RBMS3: variants seen among roughly 807,000 people sequenced by gnomAD.
The protein encoded by RBMS3 is RNA binding motif single stranded interacting protein 3.
Under a neutral mutation model 66.8 loss-of-function variants are expected in RBMS3, and 27 were observed. That is an observed-to-expected ratio of 0.40 (90% confidence interval 0.30 to 0.56). The LOEUF (loss-of-function observed/expected upper bound fraction) is 0.56, where lower values mean the gene tolerates loss of function less well. RBMS3 is among the 20% of genes least tolerant of loss of function. RBMS3 has a pLI of 0.40. For missense variants in RBMS3, 513 were observed against 549.5 expected, an observed-to-expected ratio of 0.93 and a Z score of 0.66; for synonymous variants, 188 against 183.0, an observed-to-expected ratio of 1.03 and a Z score of -0.22.
intron 12 of RBMS3, among the ~76,000 whole-genome samples, chr3:29,963,635 C>T (rs1263298064): frequency 6.6e-6 from 1 of 152,010 alleles, no homozygotes; most frequent in East Asian, 1.9e-4. Flanking sequence ...TGAGACCAGC[C>T]TGGGTAACAT....
At chr3:29,749,206 C>G (rs938675543) in intron 5 of RBMS3, among the ~76,000 whole-genome samples, 2 of 152,102 alleles carry the variant, frequency 1.3e-5, no homozygotes, top group African/African-American at 4.8e-5. Context: ...CCTTTAGAGA[C>G]TCATAGATAG....
chr3:29,705,196 C>G (rs1309210186), intron 4 of RBMS3, among the ~76,000 whole-genome samples: 1 of 152,176 alleles, frequency 6.6e-6, no homozygotes, highest in East Asian at 1.9e-4. Flanking sequence ...GAAAGACCTT[C>G]CAGCATTTGT....
intron 2 of RBMS3, among the ~76,000 whole-genome samples, chr3:29,464,949 T>C (rs11716896): frequency 0.41 from 62,933 of 152,098 alleles, 13,472 homozygotes; most frequent in East Asian, 0.62. Context: ...ATAAGCATTT[T>C]AGGGACAGAA....
At position 29,861,294 on chromosome 3, in the gene RBMS3, G is replaced by A. The variant is rs80075958; in HGVS notation, c.638-7564G>A. Among the ~76,000 whole-genome samples, 130 of 152,082 alleles carry A rather than the reference G, an allele frequency of 8.5e-4. 1 individual carries two copies. The East Asian group carries it at 0.022, about 26-fold the overall frequency. ...CCTTGAATAAACTGCTTCTGTTGTC[G>A]TTAGCTTTTCTTCTCCATCCAGCTC... On this transcript the variant is annotated intron_variant, in intron 6 of 14. Coordinates refer to ENST00000383767, the MANE Select transcript of RBMS3 (RefSeq NM_001003793.3).
At chr3:29,853,742 C>G (rs1284377087) in intron 6 of RBMS3, among the ~76,000 whole-genome samples, 1 of 152,088 alleles carries the variant, frequency 6.6e-6, no homozygotes, top group Non-Finnish European at 1.5e-5. Context: ...CTTAGTCAGC[C>G]TAGGAAATCC....
At chr3:29,488,621 T>C (rs1653237996) in intron 3 of RBMS3, 122 bp downstream of exon 3, 3 of 693,918 alleles carry the variant, frequency 4.3e-6, no homozygotes, top group South Asian at 6.1e-5. Flanking sequence ...GGAAAACCTC[T>C]TTAATGATGC....
Position 29,328,517 on chromosome 3 carries a change from T to C in RBMS3, c.75+46761T>C, listed in dbSNP as rs371620927. 2.2e-4 allele frequency among the ~76,000 whole-genome samples: 34 copies of C among 152,248 alleles called. 1 individual carries two copies. The South Asian group carries it at 6.8e-3, about 31-fold the overall frequency. ...TGTTGCTTTCCACGGTTCCATGAAA[T>C]AGTTAGATGATTTAATAAGAACTTT... On this transcript the variant is annotated intron_variant, in intron 1 of 14. Transcript: ENST00000383767.
intron 4 of RBMS3, among the ~76,000 whole-genome samples, chr3:29,619,505 C>G (rs1407842834): frequency 2.0e-5 from 3 of 152,194 alleles, no homozygotes; most frequent in East Asian, 3.9e-4. Context: ...GTTGGGAGAT[C>G]TTTTTAAGAC....
chr3:29,481,511 A>G (rs577928551), intron 2 of RBMS3, among the ~76,000 whole-genome samples: 2 of 152,254 alleles, frequency 1.3e-5, no homozygotes, highest in South Asian at 4.1e-4. Flanking sequence ...AGGAAAGGAG[A>G]CAATAGAAAA....
chr3:29,842,264 G>T (rs2058679051), intron 6 of RBMS3, among the ~76,000 whole-genome samples: 1 of 151,954 alleles, frequency 6.6e-6, no homozygotes, highest in Non-Finnish European at 1.5e-5. Context: ...TTGCATCTTG[G>T]ATAAACTGAA....
chr3:29,512,662 A>T (rs970512378), intron 3 of RBMS3, among the ~76,000 whole-genome samples: 1 of 152,224 alleles, frequency 6.6e-6, no homozygotes, highest in African/African-American at 2.4e-5. Context: ...ATAAAAACGA[A>T]ATAACCCACA....
At position 29,639,593 on chromosome 3, in the gene RBMS3, C is replaced by CAGAGAGAGAGAGAGAGAGAGAG. The variant is rs60712857; in HGVS notation, c.399+52398_399+52419dup. On this transcript the variant is annotated intron_variant, in intron 4 of 14. Transcript: ENST00000383767. ...CTATAGATGATAGATAGAAGATAGA[C>CAGAGAGAGAGAGAGAGAGAGAG]AGAGAGAGAGAGAGAGAGAGAGAGA... 3.5e-3 allele frequency among the ~76,000 whole-genome samples: 501 copies of CAGAGAGAGAGAGAGAGAGAGAG among 143,080 alleles called. 4 individuals carry two copies. The highest frequency in any genetic ancestry group is 0.012 in the African/African-American group (446 of 38,444). The allele number at this position is 143,080 out of a possible 152,430, so 93.9% of individuals were successfully genotyped here. A position where few individuals can be genotyped will look rare whatever the true frequency, so the allele number is the denominator to read the frequency against.
chr3:29,834,165 C>T (rs1303468173), intron 6 of RBMS3, among the ~76,000 whole-genome samples: 4 of 152,082 alleles, frequency 2.6e-5, no homozygotes, highest in African/African-American at 9.7e-5. Flanking sequence ...TGAGGAAGTT[C>T]ACCACCATTA....
At chr3:29,601,994 A>C (rs2048160772) in intron 4 of RBMS3, among the ~76,000 whole-genome samples, 1 of 152,054 alleles carries the variant, frequency 6.6e-6, no homozygotes, top group Non-Finnish European at 1.5e-5. Flanking sequence ...AGAAATGAAG[A>C]AAATGACAAT....
intron 4 of RBMS3, among the ~76,000 whole-genome samples, chr3:29,606,460 A>G (rs546767480): frequency 3.9e-5 from 6 of 151,938 alleles, no homozygotes; most frequent in Non-Finnish European, 7.4e-5. Flanking sequence ...TTTCAATAAC[A>G]AATAGAATTT....
intron 3 of RBMS3, among the ~76,000 whole-genome samples, chr3:29,564,182 TA>T (rs1245738838): frequency 6.6e-6 from 1 of 151,984 alleles, no homozygotes; most frequent in Non-Finnish European, 1.5e-5. Flanking sequence ...TATATTACAA[TA>T]AATTTTTTTT....
intron 1 of RBMS3, among the ~76,000 whole-genome samples, chr3:29,386,118 A>G (rs951146853): frequency 1.7e-4 from 26 of 152,134 alleles, no homozygotes; most frequent in African/African-American, 4.6e-4. Context: ...AATCCTAATT[A>G]TGGTATATCC....
chr3:29,407,534 A>G (rs920272124), intron 1 of RBMS3, among the ~76,000 whole-genome samples: 1 of 152,252 alleles, frequency 6.6e-6, no homozygotes, highest in African/African-American at 2.4e-5. Context: ...TTAAATATGC[A>G]TATTATATAA....
chr3:29,950,105 A>G (rs1168071359), intron 12 of RBMS3, among the ~76,000 whole-genome samples: 6 of 151,780 alleles, frequency 4.0e-5, no homozygotes, highest in East Asian at 1.9e-4. Flanking sequence ...CCATCCGATT[A>G]TAAGGGAAAG....
Sources: gnomAD v4.1 joint callset for allele counts (sites outside exome capture counted in the v4.1 genomes callset) on GRCh38, gnomAD v4.1.1 for gene constraint, MANE v1.5 for transcripts, NCBI Gene and HGNC (gene_info 2026-07-23, HGNC 2026-07-21) for gene names.